Variants in NUP160 observed in about 807,000 individuals in gnomAD.
NUP160 encodes nucleoporin 160, also known as nuclear pore complex protein Nup160.
NUP160 carries 94 observed loss-of-function variants against 196.9 expected under a neutral mutation model. The ratio of observed to expected loss-of-function variants is 0.48; its 90% confidence interval spans 0.40 to 0.57. The LOEUF (loss-of-function observed/expected upper bound fraction) is 0.57, where lower values mean the gene tolerates loss of function less well. Among genes scored for constraint, NUP160 ranks in the 20% least tolerant of loss-of-function variants. The pLI, the probability that NUP160 is intolerant of heterozygous loss-of-function variation, is 0.00. For synonymous variants in NUP160, 605 were observed against 619.7 expected (o/e 0.98, Z 0.35); for missense variants, 1,638 against 1,748.3 (o/e 0.94, Z 1.13).
At chr11:47,781,000 G>C (rs1328335693) in intron 34 of NUP160, among the ~76,000 whole-genome samples, 1 of 151,750 alleles carries the variant, frequency 6.6e-6, no homozygotes, top group Non-Finnish European at 1.5e-5. Flanking sequence ...GCCGAGGTGG[G>C]CGGATCACAA....
At position 47,813,092 on chromosome 11, in the gene NUP160, A is replaced by G. The variant is rs746969295; in HGVS notation, c.1787-45T>C. On this transcript the variant is annotated intron_variant, in intron 14 of 35. Coordinates refer to ENST00000378460, the Ensembl canonical transcript of NUP160. ...AACATTTATGTCTTAAGCCAATGAC[A>G]ATCTATTGATTGATATTACATTAAA... The G allele has an allele frequency of 5.2e-6, 7 of 1,351,820 alleles. No individual in the cohort carries two copies. In the South Asian group the frequency reaches 8.6e-5, roughly 17 times the overall value. The allele number at this position is 1,351,820 out of a possible 1,614,324, so 83.7% of individuals were successfully genotyped here. A position where few individuals can be genotyped will look rare whatever the true frequency, so the allele number is the denominator to read the frequency against.
chr11:47,841,616 T>C lies in NUP160; in HGVS notation c.315-1028A>G, dbSNP rs140877829. On this transcript the variant is annotated intron_variant, in intron 2 of 35. Coordinates refer to ENST00000378460, the Ensembl canonical transcript of NUP160. ...ACAGCCAGTGTTACAAGGAAGGCCATGTGATCCTGGAACGTGCTCTAGTTC... is the reference window on the plus strand; with the variant it reads ...ACAGCCAGTGTTACAAGGAAGGCCACGTGATCCTGGAACGTGCTCTAGTTC... The C allele has an allele frequency of 3.9e-3, 1,653 of 429,022 alleles. 25 individuals carry two copies. Among genetic ancestry groups the C allele is most frequent in the Non-Finnish European group, 2.3e-3 (503 of 214,922 alleles). The allele number at this position is 429,022 out of a possible 1,614,324, so 26.6% of individuals were successfully genotyped here.
Position 47,812,437 on chromosome 11 carries a change from G to A in NUP160, c.1953-8C>T. ...TCCTCCATCACATTTTCTCTATAAG[G>A]ACAATTACAAAACTCTTATTACTAC... is the stretch of plus-strand genomic sequence containing the variant. On this transcript the variant is annotated splice_polypyrimidine_tract_variant and splice_region_variant and intron_variant, in intron 15 of 35. Transcript: ENST00000378460. 1 of 1,609,962 alleles carries A rather than the reference G, an allele frequency of 6.2e-7. No individual in the cohort carries two copies. Among genetic ancestry groups the A allele is most frequent in the South Asian group, 1.1e-5 (1 of 90,412 alleles).
rs776651183 is a variant in NUP160 at position 47,839,845 on chromosome 11, G to C, written c.746C>G (p.Pro249Arg). 33 of 1,609,536 alleles carry C rather than the reference G, an allele frequency of 2.1e-5. No individual in the cohort carries two copies. In the South Asian group the frequency reaches 2.9e-4, roughly 14 times the overall value. Residue 249 changes from proline (P) to arginine (R), a missense_variant and splice_region_variant, in exon 4 of 36, where the codon CCT becomes CGT. By Grantham distance (103) the Pro-to-Arg change is moderately radical. This residue lies in a region of NUP160 where 1,345 missense variants were observed against 1,470.2 expected (regional missense o/e 0.91). Coordinates refer to ENST00000378460, the Ensembl canonical transcript of NUP160. ...CCATGCTCAGTTCCCATTCTTACCA[G>C]GTATGTCATAAGGAGGTAGCTTAAG...
chr11:47,782,302 AAAT>A (rs2097661618), intron 34 of NUP160, among the ~76,000 whole-genome samples: 6 of 42,602 alleles, frequency 1.4e-4, no homozygotes, highest in Non-Finnish European at 2.4e-4. Flanking sequence ...AAAAAAAAAA[AAAT>A]ATATATATAT....
At position 47,821,723 on chromosome 11, in the gene NUP160, C is replaced by T; in HGVS notation, c.1277+1G>A. The T allele has an allele frequency of 6.2e-7, 1 of 1,606,946 alleles. No homozygotes were observed. The highest frequency in any genetic ancestry group is 1.1e-5 in the South Asian group (1 of 90,948). ...GGATGACAGAATTAAGTGACCCATA[C>T]TGTTCAAAGTTGATGTATTTCACTA... On this transcript the variant is annotated splice_donor_variant, in intron 9 of 35. Coordinates refer to ENST00000378460, the Ensembl canonical transcript of NUP160. LOFTEE classifies it high-confidence loss of function.
chr11:47,793,722 GTTTTTTTTTTT>G (rs750497969), intron 27 of NUP160, among the ~76,000 whole-genome samples: 1 of 87,690 alleles, frequency 1.1e-5, no homozygotes, highest in East Asian at 3.2e-4. Context: ...TAAGATATCT[GTTTTTTTTTTT>G]TTTTTTTTTT....
At chr11:47,805,472 T>C (rs1184664783) in intron 20 of NUP160, among the ~76,000 whole-genome samples, 1 of 122,038 alleles carries the variant, frequency 8.2e-6, no homozygotes, top group Non-Finnish European at 1.6e-5. Flanking sequence ...TGAGACGGAG[T>C]CTCACTCTGT....
chr11:47,818,267 A>G (rs1211172721), intron 10 of NUP160, 143 bp from the exon 11 acceptor site: 2 of 586,640 alleles, frequency 3.4e-6, no homozygotes, highest in Non-Finnish European at 6.2e-6. Context: ...GTGCGGTTAC[A>G]TGTTTTCACA....
chr11:47,807,662 C>T (rs928171618), intron 18 of NUP160, among the ~76,000 whole-genome samples: 1 of 151,366 alleles, frequency 6.6e-6, no homozygotes, highest in Non-Finnish European at 1.5e-5. Context: ...AGCGAAACTC[C>T]ATCTCCAAGA....
chr11:47,781,401 T>TA (rs1347522191), intron 34 of NUP160, among the ~76,000 whole-genome samples: 1 of 151,964 alleles, frequency 6.6e-6, no homozygotes, highest in Non-Finnish European at 1.5e-5. Flanking sequence ...TAGCTGGGAC[T>TA]ATAGGCACGC....
rs750485693 is a variant in NUP160 at position 47,806,852 on chromosome 11, C to CATATATATATAT, written c.2446+217_2446+218insATATATATATAT. 3.9e-4 allele frequency among the ~76,000 whole-genome samples: 49 copies of CATATATATATAT among 124,326 alleles called. 1 individual carries two copies. The highest frequency in any genetic ancestry group is 1.4e-3 in the African/African-American group (44 of 31,614). 81.6% of individuals were successfully genotyped at this position (124,326 alleles called of 152,430 possible). A position where few individuals can be genotyped will look rare whatever the true frequency, so the allele number is the denominator to read the frequency against. ...ACACACACACACACACACACACACA[C>CATATATATATAT]ATATATATACCATATCCTTAACATA... On this transcript the variant is annotated intron_variant, in intron 19 of 35. Transcript: ENST00000378460.
chr11:47,788,104 T>C, intron 31 of NUP160, 78 bp downstream of exon 31: 1 of 1,240,100 alleles, frequency 8.1e-7, no homozygotes, highest in South Asian at 1.4e-5. Context: ...ACTTGGCTTA[T>C]GACGACTGTT....
exon 35 of NUP160, chr11:47,780,418 C>A (rs547424668): frequency 1.9e-6 from 3 of 1,613,622 alleles, no homozygotes; most frequent in Non-Finnish European, 2.5e-6. Context: ...ATGGAAGCCA[C>A]ACCATTGGGG....
In NUP160 at chr11:47,800,476, G is replaced by A. The variant is rs1452456822; in HGVS notation, c.2895+1335C>T. 2.7e-5 allele frequency among the ~76,000 whole-genome samples: 4 copies of A among 150,734 alleles called. No individual in the cohort carries two copies. The East Asian group carries it at 6.0e-4, about 23-fold the overall frequency. On this transcript the variant is annotated intron_variant, in intron 23 of 35. Transcript: ENST00000378460. ...ACGATCTCAGCTCACTGCAACCTCC[G>A]CCGCCTCCTGGGTTCAAGTGATTCT...
At chr11:47,825,000 TAA>T (rs1455515628) in intron 7 of NUP160, among the ~76,000 whole-genome samples, 1 of 151,978 alleles carries the variant, frequency 6.6e-6, no homozygotes, top group African/African-American at 2.4e-5. Flanking sequence ...CACGCCCAGC[TAA>T]GTTTTTGTAT....
At position 47,835,826 on chromosome 11, in the gene NUP160, T is replaced by G; in HGVS notation, c.943-17A>C. 1 of 1,546,682 alleles carries G rather than the reference T, an allele frequency of 6.5e-7. No homozygotes were observed. Among genetic ancestry groups the G allele is most frequent in the East Asian group, 2.3e-5 (1 of 42,786 alleles). On this transcript the variant is annotated splice_polypyrimidine_tract_variant and intron_variant, in intron 6 of 35. Coordinates refer to ENST00000378460, the Ensembl canonical transcript of NUP160. ...CATTTGCTCCTGTCCAAGAAAATAG[T>G]TAATAGGTGATATTCAAGGGATATT...
At chr11:47,831,842 C>CAAAAAAAAAA (rs372159602) in intron 7 of NUP160, among the ~76,000 whole-genome samples, 31 of 66,682 alleles carry the variant, frequency 4.6e-4, no homozygotes, top group African/African-American at 1.9e-3. Context: ...GACTCTCTCT[C>CAAAAAAAAAA]AAAAAAAAAA....
intron 34 of NUP160, 32 bp downstream of exon 34, chr11:47,783,038 CCAT>C (rs755336669): frequency 6.3e-7 from 1 of 1,582,048 alleles, no homozygotes. Flanking sequence ...GTAAGTCAAA[CCAT>C]TGTAAATTGG....
Sources: gnomAD v4.1 joint callset for allele counts (sites outside exome capture counted in the v4.1 genomes callset) on GRCh38, gnomAD v4.1.1 for gene constraint, gnomAD v4.1.1 regional missense constraint, MANE v1.5 for transcripts, NCBI Gene and HGNC (gene_info 2026-07-23, HGNC 2026-07-21) for gene names.